GSG1L: variants seen among roughly 807,000 people sequenced by gnomAD.
GSG1L encodes the protein germ cell-specific gene 1-like protein.
In GSG1L, 24 loss-of-function variants were observed where a neutral mutation model predicts 42.1. That is an observed-to-expected ratio of 0.57 (90% confidence interval 0.41 to 0.80). GSG1L has a LOEUF of 0.80. GSG1L is among the 30% of genes least tolerant of loss of function. The pLI, the probability that GSG1L is intolerant of heterozygous loss-of-function variation, is 0.00. For synonymous variants in GSG1L, 215 were observed against 203.5 expected (o/e 1.06, Z -0.48); for missense variants, 445 against 472.2 (o/e 0.94, Z 0.53).
In GSG1L at chr16:27,884,996, T is replaced by A. The variant is rs1490785479; in HGVS notation, c.398-358A>T. Among the ~76,000 whole-genome samples, 1 of 152,142 alleles carries A rather than the reference T, an allele frequency of 6.6e-6. No individual in the cohort carries two copies. The highest frequency in any genetic ancestry group is 1.5e-5 in the Non-Finnish European group (1 of 68,012). On this transcript the variant is annotated intron_variant, in intron 2 of 6. Transcript: ENST00000447459. The surrounding 1 kb of genome is among the most constrained non-coding windows in gnomAD (Gnocchi z 4.4). ...ACACTGTAGACGCAGAGAAGAGTGA[T>A]GGAACGATGGCCTCATCAGACCAAT...
At chr16:28,034,124 CATCCCATCCCATCCCAGCCT>C (rs979895736) in intron 1 of GSG1L, among the ~76,000 whole-genome samples, 1 of 151,734 alleles carries the variant, frequency 6.6e-6, no homozygotes, top group African/African-American at 2.4e-5. Context: ...CAACACATCC[CATCCCATCCCATCCCAGCCT>C]ATCCCATCCC....
chr16:28,044,686 C>T (rs1247732619), intron 1 of GSG1L, among the ~76,000 whole-genome samples: 1 of 149,864 alleles, frequency 6.7e-6, no homozygotes, highest in Non-Finnish European at 1.5e-5. Context: ...TGCAGTGGCA[C>T]GATCTCGGTT....
intron 5 of GSG1L, among the ~76,000 whole-genome samples, chr16:27,808,051 G>A (rs369427308): frequency 1.3e-5 from 2 of 152,250 alleles, no homozygotes; most frequent in East Asian, 3.9e-4. Context: ...CTGATGGGGG[G>A]CAACAGGCTC....
At chr16:27,974,681 C>T (rs1473796273) in intron 1 of GSG1L, among the ~76,000 whole-genome samples, 1 of 152,182 alleles carries the variant, frequency 6.6e-6, no homozygotes, top group Non-Finnish European at 1.5e-5. Context: ...GGCACACAGA[C>T]AGGACTTAAA....
At chr16:27,841,656 G>A (rs1183178654) in intron 4 of GSG1L, among the ~76,000 whole-genome samples, 2 of 152,216 alleles carry the variant, frequency 1.3e-5, no homozygotes, top group African/African-American at 4.8e-5. Flanking sequence ...ATGAAAAACG[G>A]GGCTGATCCA....
intron 3 of GSG1L, among the ~76,000 whole-genome samples, chr16:27,849,474 G>A (rs11649686): frequency 0.016 from 2,498 of 152,278 alleles, 33 homozygotes; most frequent in Non-Finnish European, 0.023. Context: ...CAAGGGCCCA[G>A]GGTAAGCTGT....
At position 28,040,470 on chromosome 16, in the gene GSG1L, G is replaced by A. The variant is rs190678658; in HGVS notation, c.349+22606C>T. On this transcript the variant is annotated intron_variant, in intron 1 of 6. Transcript: ENST00000447459. This position sits in a 1 kb window ranked among gnomAD's most constrained non-coding sequence, Gnocchi z 4.1. ...CTCCCCCAGAATTAATTACGAATTC[G>A]GAAGAGTAGAGACCCCATCTTGTTC... Among the ~76,000 whole-genome samples, 314 of 152,120 alleles carry A rather than the reference G, an allele frequency of 2.1e-3. 1 individual carries two copies. Among genetic ancestry groups the A allele is most frequent in the African/African-American group, 7.2e-3 (299 of 41,504 alleles).
At chr16:27,888,557 TTCTTTCTTTCTTTCTTTCTTTC>T (rs2084081767) in intron 2 of GSG1L, among the ~76,000 whole-genome samples, 2 of 80,430 alleles carry the variant, frequency 2.5e-5, no homozygotes, top group African/African-American at 1.2e-4. Flanking sequence ...CTTTCTTTCT[TTCTTTCTTTCTTTCTTTCTTTC>T]TTTCTCCGTC....
At chr16:27,946,656 A>AAAGAAAGAAAGAAAG (rs879647684) in intron 2 of GSG1L, among the ~76,000 whole-genome samples, 20 of 27,398 alleles carry the variant, frequency 7.3e-4, no homozygotes, top group East Asian at 3.5e-3. Context: ...AGAAAGAAAG[A>AAAGAAAGAAAGAAAG]AAAGAAAGAA....
At chr16:28,057,714 T>A (rs1596739322) in intron 1 of GSG1L, among the ~76,000 whole-genome samples, 1 of 151,988 alleles carries the variant, frequency 6.6e-6, no homozygotes, top group African/African-American at 2.4e-5. Context: ...GCCAGTGGAG[T>A]GCTGGGACCA....
intron 4 of GSG1L, among the ~76,000 whole-genome samples, chr16:27,831,276 G>A (rs2083272042): frequency 6.6e-6 from 1 of 152,224 alleles, no homozygotes; most frequent in South Asian, 2.1e-4. Context: ...GGATCCCTGA[G>A]CTGAAGCCAT....
intron 3 of GSG1L, among the ~76,000 whole-genome samples, chr16:27,870,111 T>C (rs1278084121): frequency 1.5e-5 from 2 of 136,896 alleles, no homozygotes; most frequent in Non-Finnish European, 3.1e-5. Context: ...CCATCTCTTC[T>C]CTCCTCTCTC....
chr16:28,035,564 A>G (rs1414783604), intron 1 of GSG1L, among the ~76,000 whole-genome samples: 1 of 152,162 alleles, frequency 6.6e-6, no homozygotes, highest in African/African-American at 2.4e-5. Context: ...TAATTAATAA[A>G]ATATCGGGAA....
chr16:27,955,561 A>C (rs2084993216), intron 2 of GSG1L, among the ~76,000 whole-genome samples: 1 of 152,190 alleles, frequency 6.6e-6, no homozygotes, highest in African/African-American at 2.4e-5. Context: ...TCCTTCCCAA[A>C]TTTTGTGGGA....
chr16:28,041,970 A>G (rs1182135923), intron 1 of GSG1L, among the ~76,000 whole-genome samples: 1 of 152,238 alleles, frequency 6.6e-6, no homozygotes, highest in Non-Finnish European at 1.5e-5. Context: ...AAAACTGGGC[A>G]AAGACGTGGA....
At chr16:27,988,310 T>C (rs1321635829) in intron 1 of GSG1L, among the ~76,000 whole-genome samples, 3 of 143,286 alleles carry the variant, frequency 2.1e-5, no homozygotes, top group African/African-American at 3.0e-5. Context: ...CTACTAGATA[T>C]AAGAGAAACA....
intron 6 of GSG1L, among the ~76,000 whole-genome samples, chr16:27,794,009 T>TTTTG (rs71140911): frequency 0.13 from 19,018 of 151,900 alleles, 1,566 homozygotes; most frequent in Non-Finnish European, 0.19. Context: ...TAAACTGTTT[T>TTTTG]TTTGTTTGTT....
chr16:27,993,552 T>C (rs1395924697), intron 1 of GSG1L, among the ~76,000 whole-genome samples: 1 of 152,164 alleles, frequency 6.6e-6, no homozygotes, highest in Non-Finnish European at 1.5e-5. Context: ...AGAGGGACTC[T>C]GCCCAATATA....
intron 1 of GSG1L, among the ~76,000 whole-genome samples, chr16:28,051,103 A>T (rs776189777): frequency 6.2e-4 from 94 of 152,194 alleles, no homozygotes; most frequent in Non-Finnish European, 1.2e-3. Context: ...TGAATGAAAG[A>T]AGGGATGAGA....
Sources: gnomAD v4.1 joint callset for allele counts (sites outside exome capture counted in the v4.1 genomes callset) on GRCh38, gnomAD v4.1.1 for gene constraint, Gnocchi (gnomAD v3.1) non-coding constraint, MANE v1.5 for transcripts, NCBI Gene and HGNC (gene_info 2026-07-23, HGNC 2026-07-21) for gene names.